The following ETNK1 variants were observed in gnomAD, a reference collection of about 807,000 sequenced individuals.
The protein encoded by ETNK1 is ethanolamine kinase 1.
Under a neutral mutation model 45.1 loss-of-function variants are expected in ETNK1, and 8 were observed. The observed-to-expected ratio is 0.18, with a 90% CI of 0.10 to 0.32. The LOEUF (loss-of-function observed/expected upper bound fraction) is 0.32. ETNK1 is among the 10% of genes least tolerant of loss of function. The probability of loss-of-function intolerance (pLI) is 1.00; values close to 1 mark genes in which losing one functional copy is unlikely to be tolerated. For missense variants in ETNK1, 302 were observed against 430.6 expected, an observed-to-expected ratio of 0.70 and a Z score of 2.64; for synonymous variants, 152 against 151.9, an observed-to-expected ratio of 1.00 and a Z score of -0.01.
intron 4 of ETNK1, among the ~76,000 whole-genome samples, chr12:22,668,171 A>C (rs1273438885): frequency 6.6e-6 from 1 of 152,212 alleles, no homozygotes; most frequent in African/African-American, 2.4e-5. Context: ...ACATACACAT[A>C]AAATTTTAGG....
intron 4 of ETNK1, among the ~76,000 whole-genome samples, chr12:22,662,609 G>A (rs958705343): frequency 2.6e-5 from 4 of 152,002 alleles, no homozygotes; most frequent in Non-Finnish European, 4.4e-5. Flanking sequence ...TGTTGCCCAG[G>A]CTGGTTTTGA....
chr12:22,640,047 A>G (rs1400953670), intron 1 of ETNK1, among the ~76,000 whole-genome samples: 4 of 152,216 alleles, frequency 2.6e-5, no homozygotes, highest in Non-Finnish European at 5.9e-5. Context: ...TGATAACTTC[A>G]TCAATATTAA....
intron 6 of ETNK1, among the ~76,000 whole-genome samples, chr12:22,679,453 G>C (rs552775162): frequency 3.3e-5 from 5 of 152,212 alleles, no homozygotes; most frequent in African/African-American, 1.2e-4. Context: ...CCGACATTGA[G>C]GGTGGGTCTT....
chr12:22,628,650 T>C (rs969335653), intron 1 of ETNK1, among the ~76,000 whole-genome samples: 3 of 152,062 alleles, frequency 2.0e-5, no homozygotes, highest in Admixed American at 6.5e-5. Context: ...TCTGAAGAGC[T>C]GATGAATTAG....
At chr12:22,644,058 A>AT (rs779009863) in intron 2 of ETNK1, 36 bp downstream of exon 2, 5 of 1,405,012 alleles carry the variant, frequency 3.6e-6, no homozygotes, top group East Asian at 2.6e-5. Context: ...CTTTTGAAAA[A>AT]TAGGGCATTT....
chr12:22,678,244 C>T (rs1294166568), intron 6 of ETNK1, among the ~76,000 whole-genome samples: 1 of 152,156 alleles, frequency 6.6e-6, no homozygotes, highest in Admixed American at 6.5e-5. Flanking sequence ...GAATCTTACT[C>T]CTTTATCCTT....
At chr12:22,670,103 A>G (rs989196047) in intron 4 of ETNK1, among the ~76,000 whole-genome samples, 1 of 152,142 alleles carries the variant, frequency 6.6e-6, no homozygotes, top group African/African-American at 2.4e-5. Flanking sequence ...AATATGATCA[A>G]ATACTTCCCA....
chr12:22,636,123 A>C (rs992621645), intron 1 of ETNK1, among the ~76,000 whole-genome samples: 1 of 152,142 alleles, frequency 6.6e-6, no homozygotes, highest in East Asian at 1.9e-4. Flanking sequence ...TGATTGTGTC[A>C]CTGCACTGCA....
At position 22,656,783 on chromosome 12, in the gene ETNK1, TA is replaced by T. The variant is rs773764779; in HGVS notation, c.417-2224del. 26 of 982,808 alleles carry T rather than the reference TA, an allele frequency of 2.6e-5. No individual in the cohort carries two copies. In the East Asian group the frequency reaches 1.7e-3, roughly 64 times the overall value. The allele number at this position is 982,808 out of a possible 1,614,324, so 60.9% of individuals were successfully genotyped here. Reference sequence around the variant, plus strand: ...GAAATGATATTATTTTTCATTTATTTAAAAAAACCACAGCAAATAAAATCTG... The same window carrying T: ...GAAATGATATTATTTTTCATTTATTTAAAAAACCACAGCAAATAAAATCTG... On this transcript the variant is annotated intron_variant, in intron 2 of 7. Coordinates refer to ENST00000266517, the MANE Select transcript of ETNK1 (RefSeq NM_018638.5).
intron 2 of ETNK1, 147 bp from the exon 3 acceptor site, chr12:22,658,867 C>T: frequency 1.4e-6 from 1 of 707,492 alleles, no homozygotes; most frequent in Non-Finnish European, 2.3e-6. Context: ...AGGGTTCTTG[C>T]TAAAACTGGT....
intron 1 of ETNK1, 59 bp downstream of exon 1, chr12:22,625,645 T>C: frequency 6.6e-7 from 1 of 1,515,046 alleles, no homozygotes; most frequent in Non-Finnish European, 8.8e-7. Context: ...CTGGGGGTCC[T>C]CACCACAATC....
intron 1 of ETNK1, among the ~76,000 whole-genome samples, chr12:22,635,038 C>T (rs1035342570): frequency 1.3e-5 from 2 of 152,200 alleles, no homozygotes; most frequent in African/African-American, 4.8e-5. Flanking sequence ...TAAGTACCCA[C>T]AAGTCTTGAC....
chr12:22,627,324 G>A (rs1953515931), intron 1 of ETNK1, among the ~76,000 whole-genome samples: 1 of 152,056 alleles, frequency 6.6e-6, no homozygotes, highest in Admixed American at 6.5e-5. Flanking sequence ...GTTTCTTGTA[G>A]CAACTTTTAA....
At chr12:22,682,212 A>G in intron 6 of ETNK1, 1 of 349,058 alleles carries the variant, frequency 2.9e-6, no homozygotes, top group South Asian at 2.3e-5. Context: ...AGAAAAACTT[A>G]TAGTACTATA....
At chr12:22,631,481 AT>A (rs1953580324) in intron 1 of ETNK1, among the ~76,000 whole-genome samples, 2 of 152,098 alleles carry the variant, frequency 1.3e-5, no homozygotes, top group South Asian at 4.1e-4. Context: ...GGTGGTAAGT[AT>A]TCTTTTGTGA....
chr12:22,675,331 A>G (rs1954149667), intron 6 of ETNK1, among the ~76,000 whole-genome samples: 1 of 151,026 alleles, frequency 6.6e-6, no homozygotes, highest in African/African-American at 2.4e-5. Context: ...AGTGCTGGGA[A>G]TTTATAGGTA....
At position 22,688,049 on chromosome 12, in the gene ETNK1, AT is replaced by A. The variant is rs1954274536; in HGVS notation, c.*3096del. On this transcript the variant is annotated 3_prime_UTR_variant, in exon 8 of 8. Coordinates refer to ENST00000266517, the MANE Select transcript of ETNK1 (RefSeq NM_018638.5). ...GGAAGCAGTGAATTTATACACTGTT[AT>A]ATTAATAGAGCTCCGTTCTTTGAGT... 1 of 152,220 alleles carries A rather than the reference AT, an allele frequency of 6.6e-6. No homozygotes were observed. The highest frequency in any genetic ancestry group is 2.4e-5 in the African/African-American group (1 of 41,406). 9.4% of individuals were successfully genotyped at this position (152,220 alleles called of 1,614,324 possible).
rs140942941 is a variant in ETNK1, at chr12:22,651,646, AT to A, written c.417-7358del. 8.6e-4 allele frequency among the ~76,000 whole-genome samples: 107 copies of A among 124,910 alleles called. 1 individual carries two copies. The highest frequency in any genetic ancestry group is 8.2e-3 in the East Asian group (33 of 4,038). 81.9% of individuals were successfully genotyped at this position (124,910 alleles called of 152,430 possible). On this transcript the variant is annotated intron_variant, in intron 2 of 7. Coordinates refer to ENST00000266517, the MANE Select transcript of ETNK1 (RefSeq NM_018638.5). The stretch of plus-strand genomic sequence containing the variant: ...GGTTGTGCAACTAATTTCCTAACAT[AT>A]TTTTTTTTTATAATGTAAAACTACA...
chr12:22,664,695 G>T (rs971208969), intron 4 of ETNK1, among the ~76,000 whole-genome samples: 1 of 152,044 alleles, frequency 6.6e-6, no homozygotes, highest in Non-Finnish European at 1.5e-5. Context: ...ATGCCATGTT[G>T]AGTCTTTTGA....
Sources: gnomAD v4.1 joint callset for allele counts (sites outside exome capture counted in the v4.1 genomes callset) on GRCh38, gnomAD v4.1.1 for gene constraint, MANE v1.5 for transcripts, NCBI Gene and HGNC (gene_info 2026-07-23, HGNC 2026-07-21) for gene names.